NSD2: variants seen among roughly 807,000 people sequenced by gnomAD.
NSD2 encodes the protein histone-lysine N-methyltransferase NSD2.
A neutral mutation model predicts 139.0 loss-of-function variants in NSD2; 12 were observed. The ratio of observed to expected loss-of-function variants is 0.09; its 90% CI spans 0.06 to 0.14. The LOEUF (loss-of-function observed/expected upper bound fraction) is 0.14. Among genes scored for constraint, NSD2 ranks in the 10% least tolerant of loss-of-function variants. NSD2 has a pLI of 1.00. For synonymous variants in NSD2, 669 were observed against 648.7 expected (o/e 1.03, Z -0.48); for missense variants, 1,155 against 1,745.0 (o/e 0.66, Z 6.02).
At chr4:1,928,580 A>T (rs1316773226) in intron 5 of NSD2, among the ~76,000 whole-genome samples, 5 of 152,174 alleles carry the variant, frequency 3.3e-5, no homozygotes, top group African/African-American at 1.2e-4. Flanking sequence ...TCCCCGCAGA[A>T]GCCGTCTGTG....
At chr4:1,911,886 C>G (rs1718742373) in intron 3 of NSD2, among the ~76,000 whole-genome samples, 1 of 151,996 alleles carries the variant, frequency 6.6e-6, no homozygotes, top group African/African-American at 2.4e-5. Context: ...TGCTTTTTTT[C>G]CCACCTGACA....
At chr4:1,953,083 G>T in intron 11 of NSD2, 1 of 1,482,844 alleles carries the variant, frequency 6.7e-7, no homozygotes, top group Non-Finnish European at 8.9e-7. Flanking sequence ...AGGCTGCCTA[G>T]TAAGATTCTC....
intron 3 of NSD2, among the ~76,000 whole-genome samples, chr4:1,909,103 T>C (rs1290698310): frequency 2.0e-5 from 3 of 152,206 alleles, no homozygotes; most frequent in Non-Finnish European, 2.9e-5. Context: ...AGTTCTTATT[T>C]TCTTAAATCC....
intron 20 of NSD2, 175 bp downstream of exon 20, chr4:1,975,575 T>A: frequency 1.7e-6 from 1 of 599,490 alleles, no homozygotes; most frequent in Non-Finnish European, 3.0e-6. Flanking sequence ...GGCCAGTGGT[T>A]AAGAGTTCCT....
At chr4:1,905,567 G>C (rs1235527990) in intron 3 of NSD2, among the ~76,000 whole-genome samples, 2 of 152,266 alleles carry the variant, frequency 1.3e-5, no homozygotes, top group Non-Finnish European at 2.9e-5. Flanking sequence ...GCCAAAACAG[G>C]CTTGTCAGCT....
rs1233069512 is a variant in NSD2 at position 1,955,532 on chromosome 4, G to T, written c.2519-161G>T. The T allele has an allele frequency of 2.4e-6, 3 of 1,229,100 alleles. No homozygotes were observed. In the East Asian group the frequency reaches 7.7e-5, roughly 32 times the overall value. 76.1% of individuals were successfully genotyped at this position (1,229,100 alleles called of 1,614,324 possible). ...TTCGCAAACATACAGGAAATTATTT[G>T]TGGTGAAAATGACATTTGCTCTCGT... is the stretch of plus-strand genomic sequence containing the variant. On this transcript the variant is annotated intron_variant, in intron 13 of 21. Transcript: ENST00000508803. The surrounding 1 kb of genome is among the most constrained non-coding windows in gnomAD (Gnocchi z 4.7).
chr4:1,937,338 G>A (rs940430589), intron 7 of NSD2, among the ~76,000 whole-genome samples: 1 of 152,192 alleles, frequency 6.6e-6, no homozygotes, highest in Non-Finnish European at 1.5e-5. Context: ...ACAGGTGTGA[G>A]CCACTGCGGC....
chr4:1,943,493 C>G, intron 9 of NSD2: 1 of 1,046,586 alleles, frequency 9.6e-7, no homozygotes, highest in Non-Finnish European at 1.2e-6. Context: ...AAAAGTGGTC[C>G]TCTTGACTGC....
chr4:1,968,386 CG>C (rs1307116865), intron 18 of NSD2, among the ~76,000 whole-genome samples: 1 of 152,160 alleles, frequency 6.6e-6, no homozygotes, highest in Non-Finnish European at 1.5e-5. Flanking sequence ...CAGGGAGCAC[CG>C]GGAGCGTGGT....
At position 1,973,436 on chromosome 4, in the gene NSD2, C is replaced by T. The variant is rs942150999; in HGVS notation, c.3373-1427C>T. ...CCTGCAGAAGTGGTGTGCATGCCAA[C>T]GTGCACATCAGCACCGCGGCTCAGC... On this transcript the variant is annotated intron_variant, in intron 18 of 21. Transcript: ENST00000508803. The surrounding 1 kb of genome is among the most constrained non-coding windows in gnomAD (Gnocchi z 5.5). Among the ~76,000 whole-genome samples, 2 of 152,228 alleles carry T rather than the reference C, an allele frequency of 1.3e-5. No individual in the cohort carries two copies. The highest frequency in any genetic ancestry group is 2.4e-5 in the African/African-American group (1 of 41,468).
chr4:1,944,389 C>T, intron 9 of NSD2: 1 of 1,065,760 alleles, frequency 9.4e-7, no homozygotes, highest in Non-Finnish European at 1.1e-6. Context: ...ATAAGAACCT[C>T]AAAATAATGG....
At chr4:1,912,933 G>C (rs1718866522) in intron 3 of NSD2, among the ~76,000 whole-genome samples, 1 of 152,180 alleles carries the variant, frequency 6.6e-6, no homozygotes. Flanking sequence ...GCCAAGGCAA[G>C]AGACTGAAGG....
intron 1 of NSD2, among the ~76,000 whole-genome samples, chr4:1,882,642 C>T (rs1014630241): frequency 1.3e-5 from 2 of 151,958 alleles, no homozygotes; most frequent in African/African-American, 4.8e-5. Flanking sequence ...CCAGCTTGGG[C>T]GACAGAGCAA....
Position 1,918,526 on chromosome 4 carries a change from C to T in NSD2, c.1313C>T (p.Pro438Leu), listed in dbSNP as rs533653843. ...GACCCCAGAAGAGGAGTAGGGTCTC[C>T]TCCTGGGAGGAAGAAGACCACAGTC... Reference protein sequence around the residue: ...EADPRRGVGSPPGRKKTTVSM... With the variant: ...EADPRRGVGSLPGRKKTTVSM... Residue 438 changes from proline to leucine, a missense_variant, in exon 5 of 22, where the codon CCT (proline) becomes CTT (leucine). Physicochemically the swap from Pro to Leu is moderately conservative, Grantham distance 98. This residue lies in a region of NSD2 where 420 missense variants were observed against 469.0 expected (regional missense o/e 0.90). Coordinates refer to ENST00000508803, the MANE Select transcript of NSD2 (RefSeq NM_001042424.3). 4 of 1,613,928 alleles carry T rather than the reference C, an allele frequency of 2.5e-6. No individual in the cohort carries two copies. Among genetic ancestry groups the T allele is most frequent in the African/African-American group, 2.7e-5 (2 of 75,048 alleles).
In NSD2 at chr4:1,973,466, C is replaced by CA. The variant is rs1726711631; in HGVS notation, c.3373-1396dup. Among the ~76,000 whole-genome samples, 1 of 152,266 alleles carries CA rather than the reference C, an allele frequency of 6.6e-6. No individual in the cohort carries two copies. The highest frequency in any genetic ancestry group is 2.1e-4 in the South Asian group (1 of 4,838). On this transcript the variant is annotated intron_variant, in intron 18 of 21. Coordinates refer to ENST00000508803, the MANE Select transcript of NSD2 (RefSeq NM_001042424.3). This position sits in a 1 kb window ranked among gnomAD's most constrained non-coding sequence, Gnocchi z 5.5. ...ACATCAGCACCGCGGCTCAGCGCGTCATGACAAAGCATCTGCAGAGGGCAG... is the reference window on the plus strand; with the variant it reads ...ACATCAGCACCGCGGCTCAGCGCGTCAATGACAAAGCATCTGCAGAGGGCAG...
chr4:1,885,843 A>G (rs753446032), intron 1 of NSD2, among the ~76,000 whole-genome samples: 3 of 152,110 alleles, frequency 2.0e-5, no homozygotes, highest in Non-Finnish European at 2.9e-5. Flanking sequence ...CGCAGGAATG[A>G]TATAGAAAAA....
chr4:1,905,054 C>T (rs771183337), intron 3 of NSD2, among the ~76,000 whole-genome samples: 3 of 151,884 alleles, frequency 2.0e-5, no homozygotes, highest in African/African-American at 4.8e-5. Context: ...CGCTAGAACC[C>T]GGGAGGTGGA....
At chr4:1,890,423 C>T (rs1179475547) in intron 1 of NSD2, among the ~76,000 whole-genome samples, 1 of 150,870 alleles carries the variant, frequency 6.6e-6, no homozygotes, top group East Asian at 2.0e-4. Context: ...CTCAGCCTCC[C>T]GAGTAGCTGG....
At position 1,975,289 on chromosome 4, in the gene NSD2, C is replaced by G. The variant is rs961496926; in HGVS notation, c.3515-5C>G. 5 of 1,613,954 alleles carry G rather than the reference C, an allele frequency of 3.1e-6. No homozygotes were observed. Among genetic ancestry groups the G allele is most frequent in the African/African-American group, 2.7e-5 (2 of 74,898 alleles). On this transcript the variant is annotated splice_region_variant and splice_polypyrimidine_tract_variant and intron_variant, in intron 19 of 21. Transcript: ENST00000508803. ...CAATTTGGTGTCTGTCTCCTCTTCT[C>G]CCAGGGACGGAGCTGACTTTTAACT...
Sources: allele counts gnomAD v4.1 joint callset (sites outside exome capture counted in the v4.1 genomes callset), GRCh38; gene constraint gnomAD v4.1.1; regional missense constraint gnomAD v4.1.1; non-coding constraint Gnocchi (gnomAD v3.1); transcripts MANE v1.5; gene names NCBI Gene and HGNC (gene_info 2026-07-23, HGNC 2026-07-21).